The following DAPK3 variants were observed in gnomAD, a reference collection of about 807,000 sequenced individuals.
DAPK3 encodes the protein death-associated protein kinase 3.
In DAPK3, 24 loss-of-function variants were observed where a neutral mutation model predicts 30.6. The observed-to-expected ratio is 0.78, with a 90% CI of 0.57 to 1.10. DAPK3 has a LOEUF of 1.10. Among genes scored for constraint, DAPK3 ranks in the 50% least tolerant of loss-of-function variants. The pLI, the probability that DAPK3 is intolerant of heterozygous loss-of-function variation, is 0.00. For synonymous variants in DAPK3, 341 were observed against 284.0 expected, an observed-to-expected ratio of 1.20 and a Z score of -2.02; for missense variants, 629 against 657.3, an observed-to-expected ratio of 0.96 and a Z score of 0.47.
Position 3,958,932 on chromosome 19 carries a change from C to T in DAPK3, c.*169G>A, listed in dbSNP as rs964457524. ...AAGCAGCCCCGTCCCACACCCACCC[C>T]TGCCTGCGAACTTACGGGCCTGGCT... On this transcript the variant is annotated 3_prime_UTR_variant, in exon 9 of 9. Coordinates refer to ENST00000545797, the MANE Select transcript of DAPK3 (RefSeq NM_001348.3). 7 of 586,148 alleles carry T rather than the reference C, an allele frequency of 1.2e-5. No homozygotes were observed. In the Admixed American group the frequency reaches 1.2e-4, roughly 10 times the overall value. The allele number at this position is 586,148 out of a possible 1,614,324, so 36.3% of individuals were successfully genotyped here.
Position 3,959,655 on chromosome 19 carries a change from C to T in DAPK3, c.829-18G>A. ...CGGATCGCCTAGGAAGGAGGGAAGC[C>T]TGAGCGGGGTCCCCGCGATGCCACC... On this transcript the variant is annotated intron_variant, in intron 8 of 8. Transcript: ENST00000545797. 6.4e-7 allele frequency: 1 copy of T among 1,556,682 alleles called. No homozygotes were observed. The highest frequency in any genetic ancestry group is 8.6e-7 in the Non-Finnish European group (1 of 1,156,466).
In DAPK3 at chr19:3,961,495, G is replaced by A. The variant is rs777009945; in HGVS notation, c.630-334C>T. ...GGAGGGTAACTGCAGTGGGGAGCCCGAGCCAACACCTTAGCCAAAGGATCA... is the reference window on the plus strand; with the variant it reads ...GGAGGGTAACTGCAGTGGGGAGCCCAAGCCAACACCTTAGCCAAAGGATCA... On this transcript the variant is annotated intron_variant, in intron 6 of 8. Transcript: ENST00000545797. 4.1e-5 allele frequency: 22 copies of A among 539,956 alleles called. 1 individual carries two copies. Among genetic ancestry groups the A allele is most frequent in the African/African-American group, 7.7e-5 (4 of 52,246 alleles). The allele number at this position is 539,956 out of a possible 1,614,324, so 33.4% of individuals were successfully genotyped here.
At chr19:3,968,115 G>A (rs566616124) in intron 2 of DAPK3, among the ~76,000 whole-genome samples, 17 of 152,230 alleles carry the variant, frequency 1.1e-4, no homozygotes, top group East Asian at 3.9e-4. Context: ...GGCGGAAGCC[G>A]CCGCACCTGG....
chr19:3,963,976 C>G, intron 4 of DAPK3, 57 bp from the exon 5 acceptor site: 1 of 1,157,210 alleles, frequency 8.6e-7, no homozygotes, highest in Non-Finnish European at 1.3e-6. Context: ...AAGGAAGAGG[C>G]TCAAGACACA....
At chr19:3,967,662 G>C (rs1241356622) in intron 2 of DAPK3, among the ~76,000 whole-genome samples, 1 of 152,232 alleles carries the variant, frequency 6.6e-6, no homozygotes, top group African/African-American at 2.4e-5. Flanking sequence ...GGCTGAAGCA[G>C]GAGAATCACT....
In DAPK3 at chr19:3,958,948, G is replaced by C. The variant is rs2039469894; in HGVS notation, c.*153C>G. Reference sequence around the variant, plus strand: ...CACCCACCCCTGCCTGCGAACTTACGGGCCTGGCTCCAGCTCCTCCCACTC... The same window carrying C: ...CACCCACCCCTGCCTGCGAACTTACCGGCCTGGCTCCAGCTCCTCCCACTC... On this transcript the variant is annotated 3_prime_UTR_variant, in exon 9 of 9. Transcript: ENST00000545797. 3.4e-6 allele frequency: 2 copies of C among 590,894 alleles called. No individual in the cohort carries two copies. The highest frequency in any genetic ancestry group is 3.0e-5 in the East Asian group (1 of 33,874). 36.6% of individuals were successfully genotyped at this position (590,894 alleles called of 1,614,324 possible).
At chr19:3,962,427 T>C (rs528242987) in intron 6 of DAPK3, among the ~76,000 whole-genome samples, 3 of 152,334 alleles carry the variant, frequency 2.0e-5, no homozygotes, top group Admixed American at 2.0e-4. Flanking sequence ...GAATGAGCTA[T>C]GCCCATTCAA....
rs544051660 is a variant in DAPK3 at position 3,968,421 on chromosome 19, G to A, written c.62+1253C>T. Reference sequence around the variant, plus strand: ...AGGCTGGAGGCCGAGGCTGCAATGAGTCGAGATCGCATCACTGCACTCCAG... The same window carrying A: ...AGGCTGGAGGCCGAGGCTGCAATGAATCGAGATCGCATCACTGCACTCCAG... On this transcript the variant is annotated intron_variant, in intron 2 of 8. Coordinates refer to ENST00000545797, the MANE Select transcript of DAPK3 (RefSeq NM_001348.3). Among the ~76,000 whole-genome samples, 6 of 152,020 alleles carry A rather than the reference G, an allele frequency of 3.9e-5. No individual in the cohort carries two copies. The South Asian group carries it at 8.3e-4, about 21-fold the overall frequency.
intron 2 of DAPK3, among the ~76,000 whole-genome samples, chr19:3,968,598 A>G (rs2039603235): frequency 6.6e-6 from 1 of 152,200 alleles, no homozygotes; most frequent in Non-Finnish European, 1.5e-5. Context: ...TCGGCGAGTT[A>G]AAAGAAATTT....
chr19:3,961,865 T>A (rs1428130291), intron 6 of DAPK3: 2 of 207,390 alleles, frequency 9.6e-6, no homozygotes, highest in Admixed American at 5.1e-5. Flanking sequence ...TTTAAATTTT[T>A]TAAATTTTTT....
chr19:3,964,150 G>C, intron 4 of DAPK3, 94 bp downstream of exon 4: 1 of 1,174,330 alleles, frequency 8.5e-7, no homozygotes, highest in Non-Finnish European at 1.2e-6. Flanking sequence ...CCGAGGACGC[G>C]GCACCCAGCA....
intron 6 of DAPK3, among the ~76,000 whole-genome samples, chr19:3,962,347 T>G (rs1461464140): frequency 6.6e-6 from 1 of 152,270 alleles, no homozygotes; most frequent in African/African-American, 2.4e-5. Flanking sequence ...GCCCATCTCC[T>G]GAAGCCTTTG....
chr19:3,962,636 G>A (rs1330654736), intron 6 of DAPK3, among the ~76,000 whole-genome samples: 1 of 152,048 alleles, frequency 6.6e-6, no homozygotes, highest in Non-Finnish European at 1.5e-5. Context: ...AATTAGCCAG[G>A]CATGGTGGCA....
At position 3,967,668 on chromosome 19, in the gene DAPK3, T is replaced by C. The variant is rs1390701408; in HGVS notation, c.62+2006A>G. On this transcript the variant is annotated intron_variant, in intron 2 of 8. Transcript: ENST00000545797. Reference sequence around the variant, plus strand: ...TACTTGGAAGGCTGAAGCAGGAGAATCACTTGAACCCGGGAGGCGAAGATT... The same window carrying C: ...TACTTGGAAGGCTGAAGCAGGAGAACCACTTGAACCCGGGAGGCGAAGATT... 1.2e-4 allele frequency among the ~76,000 whole-genome samples: 18 copies of C among 152,150 alleles called. 1 individual carries two copies. The highest frequency in any genetic ancestry group is 3.9e-4 in the Admixed American group (6 of 15,280).
chr19:3,959,943 T>TCC, intron 8 of DAPK3, 116 bp downstream of exon 8: 1 of 773,796 alleles, frequency 1.3e-6, no homozygotes, highest in South Asian at 1.4e-5. Flanking sequence ...CTGGGGACCC[T>TCC]CCCCAGCCAC....
chr19:3,968,686 G>C (rs890270218), intron 2 of DAPK3, among the ~76,000 whole-genome samples: 12 of 152,262 alleles, frequency 7.9e-5, no homozygotes, highest in African/African-American at 2.9e-4. Context: ...GGGGAGGAGG[G>C]AGCATGCTTT....
rs1446437339 is a variant in DAPK3 at position 3,964,379 on chromosome 19, G to A, written c.424-6C>T. 2 of 1,610,382 alleles carry A rather than the reference G, an allele frequency of 1.2e-6. No individual in the cohort carries two copies. Among genetic ancestry groups the A allele is most frequent in the Admixed American group, 3.3e-5 (2 of 59,958 alleles). On this transcript the variant is annotated splice_region_variant and splice_polypyrimidine_tract_variant and intron_variant, in intron 3 of 8. Coordinates refer to ENST00000545797, the MANE Select transcript of DAPK3 (RefSeq NM_001348.3). ...AGCAGCATGATGTTTTCCGGCTGGGGTGGGAGGAGGCTCAGCAGGGAAAGC... is the reference window on the plus strand; with the variant it reads ...AGCAGCATGATGTTTTCCGGCTGGGATGGGAGGAGGCTCAGCAGGGAAAGC...
intron 6 of DAPK3, among the ~76,000 whole-genome samples, chr19:3,962,446 G>C (rs1384945038): frequency 6.6e-6 from 1 of 152,098 alleles, no homozygotes; most frequent in African/African-American, 2.4e-5. Flanking sequence ...AATATGGCTG[G>C]GCAACACAGT....
At chr19:3,961,213 G>A (rs766454316) in intron 6 of DAPK3, 52 bp from the exon 7 acceptor site, 8 of 1,508,884 alleles carry the variant, frequency 5.3e-6, no homozygotes, top group African/African-American at 2.7e-5. Context: ...CACCACGGCC[G>A]CGCCGCCTCT....
Sources: allele counts gnomAD v4.1 joint callset (sites outside exome capture counted in the v4.1 genomes callset), GRCh38; gene constraint gnomAD v4.1.1; transcripts MANE v1.5; gene names NCBI Gene and HGNC (gene_info 2026-07-23, HGNC 2026-07-21).